The following NMNAT3 variants were observed in gnomAD, a reference collection of about 807,000 sequenced individuals.
NMNAT3 encodes nicotinamide/nicotinic acid mononucleotide adenylyltransferase 3.
In NMNAT3, 21 loss-of-function variants were observed where a neutral mutation model predicts 24.8. That is an observed-to-expected ratio of 0.85 (90% CI 0.60 to 1.22). The LOEUF (loss-of-function observed/expected upper bound fraction) is 1.22, where lower values mean the gene tolerates loss of function less well. NMNAT3 is among the 50% of genes most tolerant of loss of function. The pLI is 0.00. For missense variants in NMNAT3, 387 were observed against 436.6 expected (o/e 0.89, Z 1.01); for synonymous variants, 136 against 155.2 (o/e 0.88, Z 0.92).
chr3:139,665,342 T>C (rs1368652266), intron 1 of NMNAT3, among the ~76,000 whole-genome samples: 1 of 152,146 alleles, frequency 6.6e-6, no homozygotes, highest in East Asian at 1.9e-4. Context: ...CCTGTACTCA[T>C]TTGCCTCCCT....
chr3:139,580,928 T>C (rs1011528455), intron 4 of NMNAT3, among the ~76,000 whole-genome samples: 3 of 152,224 alleles, frequency 2.0e-5, no homozygotes, highest in Non-Finnish European at 4.4e-5. Context: ...TGAATTCACC[T>C]ATGAATTGGT....
At chr3:139,659,651 G>A (rs2057353180) in intron 1 of NMNAT3, among the ~76,000 whole-genome samples, 1 of 152,210 alleles carries the variant, frequency 6.6e-6, no homozygotes, top group African/African-American at 2.4e-5. Flanking sequence ...AGGTGTTTGA[G>A]GTGTGGGAAA....
chr3:139,609,426 T>G (rs578197630), intron 3 of NMNAT3, among the ~76,000 whole-genome samples: 1 of 152,328 alleles, frequency 6.6e-6, no homozygotes, highest in African/African-American at 2.4e-5. Flanking sequence ...ATCTTAGCCA[T>G]TTTGGCAGGT....
intron 3 of NMNAT3, among the ~76,000 whole-genome samples, chr3:139,620,200 C>CTT (rs34725809): frequency 0.14 from 17,650 of 126,516 alleles, 1,171 homozygotes; most frequent in African/African-American, 0.19. Flanking sequence ...CTTGTGGAGT[C>CTT]TTTTTTTTTT....
chr3:139,600,808 G>C (rs2054679326), intron 3 of NMNAT3, among the ~76,000 whole-genome samples: 12 of 152,186 alleles, frequency 7.9e-5, no homozygotes, highest in Admixed American at 7.9e-4. Flanking sequence ...ATAGCTTCCA[G>C]AGGAAGGGGT....
chr3:139,653,987 C>T (rs915019767), intron 1 of NMNAT3, among the ~76,000 whole-genome samples: 1 of 152,162 alleles, frequency 6.6e-6, no homozygotes, highest in Non-Finnish European at 1.5e-5. Context: ...CTTCTGCTCC[C>T]CCCTCTTGTC....
In NMNAT3 at chr3:139,639,051, C is replaced by T. The variant is rs576079695; in HGVS notation, c.-140-989G>A. Among the ~76,000 whole-genome samples the T allele has an allele frequency of 9.3e-4, 141 of 152,298 alleles. 1 individual carries two copies. Among genetic ancestry groups the T allele is most frequent in the African/African-American group, 3.3e-3 (136 of 41,568 alleles). On this transcript the variant is annotated intron_variant, in intron 1 of 6. Coordinates refer to ENST00000643695, the MANE Select transcript of NMNAT3 (RefSeq NM_001320510.2). ...TCTACAAAGCTGTCAATGCCTATTCCTTCCAAGCTAAGTTGGGTCTTCTCC... is the reference window on the plus strand; with the variant it reads ...TCTACAAAGCTGTCAATGCCTATTCTTTCCAAGCTAAGTTGGGTCTTCTCC...
rs556167978 is a variant in NMNAT3, at chr3:139,653,633, G to C, written c.-140-15571C>G. Among the ~76,000 whole-genome samples, 5 of 152,316 alleles carry C rather than the reference G, an allele frequency of 3.3e-5. No individual in the cohort carries two copies. The South Asian group carries it at 1.0e-3, about 32-fold the overall frequency. ...AGAGGGCTCAGTTTGTTGCCTTCAA[G>C]GTCTCTGTGCCTAGCTCTGTCCCAG... On this transcript the variant is annotated intron_variant, in intron 1 of 6. Coordinates refer to ENST00000643695, the MANE Select transcript of NMNAT3 (RefSeq NM_001320510.2).
At chr3:139,626,516 T>G (rs1031220357) in intron 3 of NMNAT3, among the ~76,000 whole-genome samples, 1 of 152,126 alleles carries the variant, frequency 6.6e-6, no homozygotes, top group Admixed American at 6.5e-5. Context: ...TTATAATAAT[T>G]GTTTTCAAGT....
At chr3:139,602,594 C>T (rs2054764784) in intron 3 of NMNAT3, among the ~76,000 whole-genome samples, 1 of 152,214 alleles carries the variant, frequency 6.6e-6, no homozygotes, top group African/African-American at 2.4e-5. Context: ...ACAAGCATCC[C>T]AGGCAATTCT....
intron 3 of NMNAT3, among the ~76,000 whole-genome samples, chr3:139,621,648 A>C (rs2055780014): frequency 6.6e-6 from 1 of 152,250 alleles, no homozygotes; most frequent in East Asian, 1.9e-4. Flanking sequence ...CTGGGATTAC[A>C]GGCATGAGTC....
intron 3 of NMNAT3, among the ~76,000 whole-genome samples, chr3:139,596,183 G>C (rs1390247069): frequency 6.6e-6 from 1 of 152,124 alleles, no homozygotes; most frequent in African/African-American, 2.4e-5. Context: ...ATGGGCTGCT[G>C]GGTGGCCCTG....
At chr3:139,591,434 C>A (rs796234314) in intron 3 of NMNAT3, among the ~76,000 whole-genome samples, 1 of 148,894 alleles carries the variant, frequency 6.7e-6, no homozygotes, top group East Asian at 2.0e-4. Context: ...GTAAACAAAG[C>A]AGCCGGGAAG....
At chr3:139,665,465 G>A (rs1326990352) in intron 1 of NMNAT3, among the ~76,000 whole-genome samples, 1 of 152,136 alleles carries the variant, frequency 6.6e-6, no homozygotes, top group Admixed American at 6.5e-5. Flanking sequence ...TAATCTCTAG[G>A]AGCCATGGTC....
chr3:139,665,758 GAC>G (rs1553764404), intron 1 of NMNAT3, among the ~76,000 whole-genome samples: 1 of 137,608 alleles, frequency 7.3e-6, no homozygotes, highest in Non-Finnish European at 1.6e-5. Context: ...GAGAGAGAGA[GAC>G]CTTTTTGTAT....
In NMNAT3 at chr3:139,593,609, A is replaced by G. The variant is rs547127591; in HGVS notation, c.110-10401T>C. ...AAAATAACAGAAATTATAACAAACT[A>G]TCTCTCAGACCACAGTGCAATCAAA... On this transcript the variant is annotated intron_variant, in intron 3 of 6. Transcript: ENST00000643695. Among the ~76,000 whole-genome samples the G allele has an allele frequency of 7.4e-3, 1,121 of 151,948 alleles. 18 individuals are homozygous for G. Among genetic ancestry groups the G allele is most frequent in the African/African-American group, 0.025 (1,055 of 41,406 alleles).
At chr3:139,584,782 A>G (rs1196899904) in intron 3 of NMNAT3, among the ~76,000 whole-genome samples, 1 of 152,176 alleles carries the variant, frequency 6.6e-6, no homozygotes, top group East Asian at 1.9e-4. Flanking sequence ...AAAAGAATGC[A>G]TATTCTATGG....
intron 3 of NMNAT3, among the ~76,000 whole-genome samples, chr3:139,597,025 T>C (rs922933432): frequency 1.3e-5 from 2 of 149,490 alleles, no homozygotes; most frequent in Non-Finnish European, 3.0e-5. Flanking sequence ...TTGGTTTATT[T>C]TGAATCTGGG....
chr3:139,567,501 A>T (rs1246059684), intron 6 of NMNAT3: 2 of 152,058 alleles, frequency 1.3e-5, no homozygotes, highest in Non-Finnish European at 2.9e-5. Context: ...TGGGTTTGTC[A>T]TAGATAGCTC....
Sources: gnomAD v4.1 joint callset for allele counts (sites outside exome capture counted in the v4.1 genomes callset) on GRCh38, gnomAD v4.1.1 for gene constraint, MANE v1.5 for transcripts, NCBI Gene and HGNC (gene_info 2026-07-23, HGNC 2026-07-21) for gene names.